LRRC7: variants seen among roughly 807,000 people sequenced by gnomAD.
LRRC7 encodes leucine rich repeat containing 7.
LRRC7 carries 23 observed loss-of-function variants against 175.7 expected under a neutral mutation model. The ratio of observed to expected loss-of-function variants is 0.13; its 90% confidence interval spans 0.09 to 0.19. LRRC7 has a LOEUF of 0.19. LRRC7 is among the 10% of genes least tolerant of loss of function. LRRC7 has a pLI of 1.00. For synonymous variants in LRRC7, 685 were observed against 680.9 expected (o/e 1.01, Z -0.09); for missense variants, 1,354 against 1,904.7 (o/e 0.71, Z 5.38).
At chr1:69,634,013 T>A (rs1267667160) in intron 1 of LRRC7, among the ~76,000 whole-genome samples, 1 of 152,114 alleles carries the variant, frequency 6.6e-6, no homozygotes, top group African/African-American at 2.4e-5. Context: ...GTCTGAGTCT[T>A]TTCAACATGT....
At position 69,578,608 on chromosome 1, in the gene LRRC7, G is replaced by A. The variant is rs544869455; in HGVS notation, c.2+9967G>A. 9.7e-3 allele frequency among the ~76,000 whole-genome samples: 1,469 copies of A among 151,042 alleles called. 23 individuals are homozygous for A. The highest frequency in any genetic ancestry group is 0.034 in the African/African-American group (1,379 of 40,852). On this transcript the variant is annotated intron_variant, in intron 1 of 26. Coordinates refer to ENST00000651989, the MANE Select transcript of LRRC7 (RefSeq NM_001370785.2). Reference sequence around the variant, plus strand: ...ACATATACACCATGGAATACTATGCGGCCATAAAAAATAATGAGTTCATGT... The same window carrying A: ...ACATATACACCATGGAATACTATGCAGCCATAAAAAATAATGAGTTCATGT...
intron 1 of LRRC7, among the ~76,000 whole-genome samples, chr1:69,627,691 G>T (rs1266444216): frequency 6.6e-6 from 1 of 151,924 alleles, no homozygotes; most frequent in Non-Finnish European, 1.5e-5. Flanking sequence ...TTTCTTCTAG[G>T]GTTTTTATGG....
chr1:69,587,339 T>C (rs1451083095), intron 1 of LRRC7, among the ~76,000 whole-genome samples: 1 of 152,206 alleles, frequency 6.6e-6, no homozygotes, highest in Non-Finnish European at 1.5e-5. Flanking sequence ...CTTTAATGTC[T>C]CCTGTGCCTG....
chr1:70,067,828 A>G (rs1662092193), intron 23 of LRRC7, among the ~76,000 whole-genome samples: 1 of 152,140 alleles, frequency 6.6e-6, no homozygotes, highest in Non-Finnish European at 1.5e-5. Flanking sequence ...TAAGTTTTAT[A>G]CAAGCTTTGC....
chr1:69,910,587 C>T (rs1007412722), intron 7 of LRRC7, among the ~76,000 whole-genome samples: 7 of 152,112 alleles, frequency 4.6e-5, no homozygotes, highest in African/African-American at 2.4e-5. Context: ...AGTACCCAGC[C>T]GTGTGAGGTG....
chr1:69,688,521 T>A (rs543390780), intron 2 of LRRC7, among the ~76,000 whole-genome samples: 1 of 152,222 alleles, frequency 6.6e-6, no homozygotes, highest in East Asian at 1.9e-4. Context: ...TCTCTGGGTG[T>A]CAGCTTTATT....
chr1:70,089,688 A>T, intron 24 of LRRC7, 39 bp from the exon 25 acceptor site: 1 of 1,323,986 alleles, frequency 7.6e-7, no homozygotes, highest in Non-Finnish European at 1.1e-6. Context: ...TTTAGCTTTG[A>T]TAACTGTTTA....
intron 23 of LRRC7, among the ~76,000 whole-genome samples, chr1:70,060,174 A>G (rs1037566086): frequency 8.6e-5 from 13 of 152,002 alleles, no homozygotes; most frequent in Non-Finnish European, 1.8e-4. Flanking sequence ...GTCAAAAAAA[A>G]TTAGCCAGGT....
intron 4 of LRRC7, among the ~76,000 whole-genome samples, chr1:69,813,905 A>G (rs568848498): frequency 6.6e-6 from 1 of 152,304 alleles, no homozygotes; most frequent in South Asian, 2.1e-4. Flanking sequence ...GGAATAAGAT[A>G]TATTGCTCAA....
At chr1:69,813,248 G>T (rs1678169668) in intron 4 of LRRC7, among the ~76,000 whole-genome samples, 1 of 152,038 alleles carries the variant, frequency 6.6e-6, no homozygotes, top group Non-Finnish European at 1.5e-5. Flanking sequence ...TCTCTCTCAT[G>T]TCACTGTGCT....
intron 24 of LRRC7, among the ~76,000 whole-genome samples, chr1:70,077,183 T>C (rs368681639): frequency 1.1e-4 from 16 of 152,180 alleles, no homozygotes; most frequent in African/African-American, 3.9e-4. Context: ...ATTTTCCCTT[T>C]ATATTGTTAA....
At chr1:70,009,427 A>G (rs973690052) in intron 11 of LRRC7, among the ~76,000 whole-genome samples, 1 of 150,568 alleles carries the variant, frequency 6.6e-6, no homozygotes, top group African/African-American at 2.4e-5. Flanking sequence ...GCCCCCACAA[A>G]CACACATACA....
At chr1:69,847,917 T>A (rs140439272) in intron 7 of LRRC7, among the ~76,000 whole-genome samples, 5 of 152,278 alleles carry the variant, frequency 3.3e-5, no homozygotes, top group South Asian at 2.1e-4. Context: ...AGAATTGTCA[T>A]AGCTTGAAGT....
In LRRC7 at chr1:69,645,001, T is replaced by A. The variant is rs78916899; in HGVS notation, c.3-33380T>A. On this transcript the variant is annotated intron_variant, in intron 1 of 26. Coordinates refer to ENST00000651989, the MANE Select transcript of LRRC7 (RefSeq NM_001370785.2). ...CATTTAATAAGAGTACCTACAAAAA[T>A]CTATAGCTAATGTCAGACTTAATTA... Among the ~76,000 whole-genome samples the A allele has an allele frequency of 3.4e-3, 521 of 152,078 alleles. 5 individuals are homozygous for A. The highest frequency in any genetic ancestry group is 0.012 in the African/African-American group (494 of 41,544).
intron 7 of LRRC7, among the ~76,000 whole-genome samples, chr1:69,923,125 T>C (rs138786197): frequency 0.012 from 1,891 of 152,302 alleles, 34 homozygotes; most frequent in African/African-American, 0.043. Flanking sequence ...ATTTCATCCA[T>C]GTCCCTACAA....
chr1:69,722,869 TTGTA>T (rs1296801054), intron 2 of LRRC7, among the ~76,000 whole-genome samples: 1 of 152,104 alleles, frequency 6.6e-6, no homozygotes, highest in African/African-American at 2.4e-5. Context: ...ACCATACTGT[TTGTA>T]TGTGATATAT....
intron 1 of LRRC7, among the ~76,000 whole-genome samples, chr1:69,618,106 G>A (rs1320564854): frequency 6.6e-6 from 1 of 152,054 alleles, no homozygotes. Context: ...GTTCCATTCT[G>A]CTATGTAAGA....
chr1:69,673,818 A>G (rs1056347329), intron 1 of LRRC7, among the ~76,000 whole-genome samples: 1 of 152,130 alleles, frequency 6.6e-6, no homozygotes, highest in Non-Finnish European at 1.5e-5. Context: ...TGTATCGTTC[A>G]TGTAATTTAT....
chr1:69,573,250 C>T (rs1273028026), intron 1 of LRRC7, among the ~76,000 whole-genome samples: 1 of 152,034 alleles, frequency 6.6e-6, no homozygotes, highest in Non-Finnish European at 1.5e-5. Context: ...CAGATTTGGC[C>T]CCTGTTCATT....
Sources: allele counts gnomAD v4.1 joint callset (sites outside exome capture counted in the v4.1 genomes callset), GRCh38; gene constraint gnomAD v4.1.1; transcripts MANE v1.5; gene names NCBI Gene and HGNC (gene_info 2026-07-23, HGNC 2026-07-21).